Variants in WDR75 observed in about 807,000 individuals in gnomAD.
The protein encoded by WDR75 is WD repeat domain 75, also known as WD repeat-containing protein 75.
Under a neutral mutation model 106.1 loss-of-function variants are expected in WDR75, and 52 were observed. The observed-to-expected ratio is 0.49, with a 90% CI of 0.39 to 0.62. WDR75 has a LOEUF of 0.62. WDR75 is among the 20% of genes least tolerant of loss of function. WDR75 has a pLI of 0.00. For missense variants in WDR75, 905 were observed against 970.3 expected, an observed-to-expected ratio of 0.93 and a Z score of 0.89; for synonymous variants, 333 against 335.5, an observed-to-expected ratio of 0.99 and a Z score of 0.08.
chr2:189,444,782 C>T (rs369288244), intron 1 of WDR75, among the ~76,000 whole-genome samples: 38 of 152,268 alleles, frequency 2.5e-4, no homozygotes, highest in African/African-American at 9.1e-4. Context: ...TCAACTCTTC[C>T]TACCCAACTG....
intron 14 of WDR75, 28 bp from the exon 15 acceptor site, chr2:189,468,447 T>G (rs1232849296): frequency 6.2e-7 from 1 of 1,609,732 alleles, no homozygotes; most frequent in Admixed American, 1.7e-5. Context: ...AACTGACTGT[T>G]GCTAACTTCC....
chr2:189,451,414 G>A (rs947386009), intron 3 of WDR75, among the ~76,000 whole-genome samples: 1 of 152,110 alleles, frequency 6.6e-6, no homozygotes, highest in Non-Finnish European at 1.5e-5. Flanking sequence ...TCTAGTGATA[G>A]GTAAAGTATG....
intron 6 of WDR75, among the ~76,000 whole-genome samples, chr2:189,458,479 T>C (rs1686788898): frequency 6.6e-6 from 1 of 152,212 alleles, no homozygotes; most frequent in African/African-American, 2.4e-5. Flanking sequence ...CACTAAAATC[T>C]TTACTTAAAT....
intron 5 of WDR75, 82 bp from the exon 6 acceptor site, chr2:189,457,229 G>A (rs1363354768): frequency 3.0e-5 from 28 of 945,532 alleles, no homozygotes; most frequent in Admixed American, 4.7e-5. Flanking sequence ...GGACAAGAGC[G>A]AGACTTTGTC....
chr2:189,442,790 T>C (rs1686410301), intron 1 of WDR75, among the ~76,000 whole-genome samples: 1 of 152,068 alleles, frequency 6.6e-6, no homozygotes, highest in African/African-American at 2.4e-5. Flanking sequence ...CAGGTAGTTG[T>C]TGAAGGTAAT....
chr2:189,471,763 T>C (rs1687124319), intron 18 of WDR75, among the ~76,000 whole-genome samples: 1 of 152,176 alleles, frequency 6.6e-6, no homozygotes, highest in South Asian at 2.1e-4. Flanking sequence ...TGACCTCTAC[T>C]CTATTAGTGG....
At chr2:189,449,673 G>A (rs62187079) in intron 2 of WDR75, 6 of 999,212 alleles carry the variant, frequency 6.0e-6, no homozygotes, top group East Asian at 1.0e-4. Flanking sequence ...CACAGTGTTT[G>A]TGTATTAACC....
Position 189,462,497 on chromosome 2 carries a change from G to T in WDR75, c.792G>T (p.Leu264=), listed in dbSNP as rs747476875. 4 of 1,613,738 alleles carry T rather than the reference G, an allele frequency of 2.5e-6. No individual in the cohort carries two copies. In the Admixed American group the frequency reaches 6.7e-5, roughly 27 times the overall value. ...LAFSVTGTSL[L]SGGRESVLVE... ...ATGGATATGAAGGCACCAGTCTGCT[G>T]AGTGGCGGTCGTGAATCTGTACTTG... Residue 264 remains leucine (L), a synonymous_variant, in exon 9 of 21, where the codon CTG becomes CTT. Transcript: ENST00000314761.
chr2:189,474,897 G>C (rs1687182777), intron 20 of WDR75, 89 bp downstream of exon 20: 4 of 1,051,394 alleles, frequency 3.8e-6, no homozygotes, highest in Non-Finnish European at 1.4e-6. Context: ...TTCTTCCACT[G>C]TATTTCTTTT....
chr2:189,448,445 C>T lies in WDR75; in HGVS notation c.153C>T (p.His51=). 6.2e-7 allele frequency: 1 copy of T among 1,613,862 alleles called. No individual in the cohort carries two copies. The highest frequency in any genetic ancestry group is 1.6e-4 in the Middle Eastern group (1 of 6,062). ...VYSTVTEECV[H]ILHGHRNLVT... The stretch of plus-strand genomic sequence containing the variant: ...GCACAGTTACAGAAGAGTGTGTACA[C>T]ATACTGCATGGACACAGAAATCTGG... The change falls in exon 2 of 21, where the codon CAC becomes CAT. Residue 51 remains histidine (H), a synonymous_variant. Transcript: ENST00000314761.
chr2:189,454,443 TA>T (rs1686690585), intron 4 of WDR75, among the ~76,000 whole-genome samples: 1 of 152,182 alleles, frequency 6.6e-6, no homozygotes, highest in Admixed American at 6.5e-5. Flanking sequence ...CCAACATTCA[TA>T]TTCTTTTTCC....
intron 1 of WDR75, among the ~76,000 whole-genome samples, chr2:189,448,029 G>A (rs1009278458): frequency 1.3e-5 from 2 of 152,182 alleles, no homozygotes; most frequent in African/African-American, 4.8e-5. Flanking sequence ...GATTTATAAA[G>A]GGGAGCTCTC....
At chr2:189,465,021 A>G in intron 11 of WDR75, 58 bp from the exon 12 acceptor site, 1 of 1,240,750 alleles carries the variant, frequency 8.1e-7, no homozygotes, top group South Asian at 1.5e-5. Flanking sequence ...GAATGCTGTA[A>G]CATTTGTGTA....
chr2:189,459,296 A>C (rs1042136613), intron 7 of WDR75, 40 bp from the exon 8 acceptor site: 2 of 1,485,508 alleles, frequency 1.3e-6, no homozygotes, highest in African/African-American at 2.8e-5. Context: ...TCCTAACTTA[A>C]ACCTATGGTC....
At position 189,470,143 on chromosome 2, in the gene WDR75, C is replaced by G. The variant is rs751721867; in HGVS notation, c.1887C>G (p.Val629=). The change falls in exon 17 of 21, where the codon GTC becomes GTG. Residue 629 remains valine (V), a synonymous_variant. Transcript: ENST00000314761. ...YIQKGISREK[V]QWGVFVPRDV... is the part of the protein sequence containing the mutation. ...AAAAGGGTATCTCCAGAGAGAAAGTCCAGTGGGGAGTGTTTGTTCCACGAG... is the reference window on the plus strand; with the variant it reads ...AAAAGGGTATCTCCAGAGAGAAAGTGCAGTGGGGAGTGTTTGTTCCACGAG... The G allele has an allele frequency of 6.2e-7, 1 of 1,613,488 alleles. No homozygotes were observed. The highest frequency in any genetic ancestry group is 8.5e-7 in the Non-Finnish European group (1 of 1,179,610).
intron 17 of WDR75, 21 bp downstream of exon 17, chr2:189,470,266 A>C (rs1401787502): frequency 6.2e-7 from 1 of 1,605,176 alleles, no homozygotes; most frequent in Non-Finnish European, 8.5e-7. Flanking sequence ...CCCTCAAAAA[A>C]GGCGATCACT....
chr2:189,461,972 A>G (rs1453120975), intron 8 of WDR75, among the ~76,000 whole-genome samples: 1 of 152,186 alleles, frequency 6.6e-6, no homozygotes. Flanking sequence ...GCATCTATTC[A>G]AATAATCATG....
At chr2:189,473,551 TACCACCACC>T (rs1213965294) in intron 18 of WDR75, among the ~76,000 whole-genome samples, 2 of 151,980 alleles carry the variant, frequency 1.3e-5, no homozygotes, top group Non-Finnish European at 2.9e-5. Context: ...GATATGAAGA[TACCACCACC>T]ACCACCACCG....
Position 189,466,546 on chromosome 2 carries a change from A to C in WDR75, c.1411A>C (p.Lys471Gln), listed in dbSNP as rs1204878382. 6.2e-7 allele frequency: 1 copy of C among 1,613,058 alleles called. No individual in the cohort carries two copies. The highest frequency in any genetic ancestry group is 8.5e-7 in the Non-Finnish European group (1 of 1,179,342). Residue 471 changes from lysine (K) to glutamine (Q), a missense_variant, in exon 13 of 21, where the codon AAA becomes CAA. Physicochemically the swap from Lys to Gln is moderately conservative, Grantham distance 53. Coordinates refer to ENST00000314761, the MANE Select transcript of WDR75 (RefSeq NM_032168.3). ...LVTASKDGYF[K>Q]VWILTDDSDI... Reference sequence around the variant, plus strand: ...TACAGCTAGCAAAGATGGTTACTTCAAAGTATGGATATTAACAGATGACTC... The same window carrying C: ...TACAGCTAGCAAAGATGGTTACTTCCAAGTATGGATATTAACAGATGACTC...
Sources: allele counts gnomAD v4.1 joint callset (sites outside exome capture counted in the v4.1 genomes callset), GRCh38; gene constraint gnomAD v4.1.1; transcripts MANE v1.5; gene names NCBI Gene and HGNC (gene_info 2026-07-23, HGNC 2026-07-21).